MAP3K15: variants seen among roughly 807,000 people sequenced by gnomAD.
MAP3K15 encodes MAPK/ERK kinase kinase 15.
Under a neutral mutation model 99.5 loss-of-function variants are expected in MAP3K15, and 124 were observed. That is an observed-to-expected ratio of 1.25 (90% CI 1.08 to 1.45). The LOEUF is 1.45. Ranked by LOEUF, MAP3K15 falls within the 40% of genes most tolerant of loss-of-function variation. The pLI is 0.00. For missense variants in MAP3K15, 1,242 were observed against 1,079.7 expected, an observed-to-expected ratio of 1.15 and a Z score of -2.11; for synonymous variants, 494 against 439.6, an observed-to-expected ratio of 1.12 and a Z score of -1.55.
intron 9 of MAP3K15, among the ~76,000 whole-genome samples, chrX:19,423,456 T>C (rs1283295095): frequency 8.9e-6 from 1 of 111,808 alleles, no homozygotes; most frequent in Non-Finnish European, 1.9e-5. Flanking sequence ...CTTTGCTCTT[T>C]TCAGGCAAAC....
At chrX:19,378,483 G>A (rs1448150345) in intron 19 of MAP3K15, among the ~76,000 whole-genome samples, 1 of 112,124 alleles carries the variant, frequency 8.9e-6, no homozygotes. Flanking sequence ...GCAGGAGAGA[G>A]AATGAGAACC....
At chrX:19,374,430 C>T (rs1469338329) in intron 20 of MAP3K15, 47 bp downstream of exon 20, 1 of 1,144,380 alleles carries the variant, frequency 8.7e-7, no homozygotes, top group Non-Finnish European at 1.2e-6. Context: ...CAGCGCCCAG[C>T]ATTCTTGTGG....
intron 22 of MAP3K15, among the ~76,000 whole-genome samples, chrX:19,372,314 A>G (rs1414736020): frequency 9.0e-6 from 1 of 110,708 alleles, no homozygotes; most frequent in Non-Finnish European, 1.9e-5. Flanking sequence ...GCTGGGGATT[A>G]ACTCCAGGAC....
intron 11 of MAP3K15, 97 bp from the exon 12 acceptor site, chrX:19,410,070 C>A (rs191510726): frequency 2.2e-5 from 15 of 692,091 alleles, no homozygotes; most frequent in Non-Finnish European, 3.1e-5. Context: ...TGCTATTTTA[C>A]CTGCAGTGGT....
At chrX:19,461,011 G>A (rs1204115834) in intron 4 of MAP3K15, among the ~76,000 whole-genome samples, 17 of 99,390 alleles carry the variant, frequency 1.7e-4, no homozygotes, top group Non-Finnish European at 6.1e-5. Context: ...ACAGAGTCTC[G>A]CACTTTCGCC....
At position 19,360,507 on chromosome X, in the gene MAP3K15, C is replaced by CTAA; in HGVS notation, c.*239_*241dup. 6.8e-6 allele frequency: 2 copies of CTAA among 294,738 alleles called. No individual in the cohort carries two copies. Among genetic ancestry groups the CTAA allele is most frequent in the Non-Finnish European group, 1.2e-5 (2 of 167,249 alleles). The allele number at this position is 294,738 out of a possible 1,213,427, so 24.3% of individuals were successfully genotyped here. A position where few individuals can be genotyped will look rare whatever the true frequency, so the allele number is the denominator to read the frequency against. On this transcript the variant is annotated 3_prime_UTR_variant, in exon 29 of 29. Transcript: ENST00000338883. ...ATAGCTGGGACTACAAGTGAATTTC[C>CTAA]TAATATTCCGGGAGGTCAAAACCAA...
intron 6 of MAP3K15, among the ~76,000 whole-genome samples, chrX:19,456,223 C>T (rs1038004678): frequency 8.9e-6 from 1 of 112,140 alleles, no homozygotes; most frequent in Non-Finnish European, 1.9e-5. Flanking sequence ...TATCCCCAAA[C>T]CGCAAACAAC....
At position 19,515,488 on chromosome X, in the gene MAP3K15, T is replaced by G. The variant is rs1407015080; in HGVS notation, c.-227A>C. Among the ~76,000 whole-genome samples, 1 of 110,979 alleles carries G rather than the reference T, an allele frequency of 9.0e-6. No homozygotes were observed. Among genetic ancestry groups the G allele is most frequent in the Non-Finnish European group, 1.9e-5 (1 of 52,563 alleles). On this transcript the variant is annotated 5_prime_UTR_variant, in exon 1 of 29. Transcript: ENST00000338883. ...CAGGCCCCAAGGCCCCCAGCGCCCTTTGAAGGCCGGAGAGAAAGAGGCGGG... is the reference window on the plus strand; with the variant it reads ...CAGGCCCCAAGGCCCCCAGCGCCCTGTGAAGGCCGGAGAGAAAGAGGCGGG...
chrX:19,474,732 G>A (rs1027777530), intron 3 of MAP3K15, among the ~76,000 whole-genome samples: 23 of 110,632 alleles, frequency 2.1e-4, no homozygotes, highest in Non-Finnish European at 3.0e-4. Flanking sequence ...CAGTTCCTGC[G>A]GAGATCTCAG....
chrX:19,441,699 C>G (rs1451909921), intron 6 of MAP3K15, among the ~76,000 whole-genome samples: 1 of 112,024 alleles, frequency 8.9e-6, no homozygotes, highest in Non-Finnish European at 1.9e-5. Context: ...CTCAAGCCAT[C>G]CGCCTGCCTT....
At chrX:19,426,167 A>G (rs2063828061) in intron 8 of MAP3K15, 64 bp downstream of exon 8, 2 of 584,074 alleles carry the variant, frequency 3.4e-6, no homozygotes, top group Admixed American at 8.5e-5. Context: ...TTATTTCAAC[A>G]TAACTTTTAA....
chrX:19,367,464 C>G (rs2063342058), intron 25 of MAP3K15, among the ~76,000 whole-genome samples: 1 of 75,249 alleles, frequency 1.3e-5, no homozygotes, highest in Admixed American at 1.2e-4. Flanking sequence ...TACTCTTGAA[C>G]TTAAAAAAAA....
intron 3 of MAP3K15, among the ~76,000 whole-genome samples, chrX:19,470,546 TAAAA>T (rs56319020): frequency 1.0e-5 from 1 of 97,358 alleles, no homozygotes; most frequent in African/African-American, 3.7e-5. Context: ...AAACTTAAAT[TAAAA>T]AAAAAAAAAG....
chrX:19,452,719 A>C (rs2064064629), intron 6 of MAP3K15, among the ~76,000 whole-genome samples: 1 of 112,519 alleles, frequency 8.9e-6, no homozygotes, highest in Non-Finnish European at 1.9e-5. Context: ...AAGTGAAATA[A>C]AGCAGTCAGA....
At chrX:19,470,112 T>A (rs1383460470) in intron 3 of MAP3K15, among the ~76,000 whole-genome samples, 1 of 111,906 alleles carries the variant, frequency 8.9e-6, no homozygotes, top group East Asian at 2.8e-4. Flanking sequence ...GTATGTTTAT[T>A]GCGGCACTAT....
intron 6 of MAP3K15, among the ~76,000 whole-genome samples, chrX:19,453,913 G>C (rs1361547743): frequency 9.0e-6 from 1 of 111,613 alleles, no homozygotes; most frequent in East Asian, 2.8e-4. Context: ...CTACTGTAGA[G>C]ATGACGAGCT....
chrX:19,425,755 G>C, intron 8 of MAP3K15, 65 bp from the exon 9 acceptor site: 1 of 1,027,936 alleles, frequency 9.7e-7, no homozygotes, highest in Non-Finnish European at 1.3e-6. Flanking sequence ...CTGAGGATAA[G>C]CAGGTATTTT....
intron 9 of MAP3K15, among the ~76,000 whole-genome samples, chrX:19,422,432 G>A (rs1392328062): frequency 3.6e-5 from 4 of 111,487 alleles, no homozygotes; most frequent in African/African-American, 1.3e-4. Context: ...ATGAAAAAAT[G>A]ATCATCACTG....
intron 19 of MAP3K15, among the ~76,000 whole-genome samples, chrX:19,379,190 A>C (rs1293907185): frequency 2.7e-5 from 3 of 111,214 alleles, no homozygotes; most frequent in Non-Finnish European, 3.8e-5. Flanking sequence ...TAAACGGCTA[A>C]ATAAGACTCT....
Sources: allele counts gnomAD v4.1 joint callset (sites outside exome capture counted in the v4.1 genomes callset), GRCh38; gene constraint gnomAD v4.1.1; transcripts MANE v1.5; gene names NCBI Gene and HGNC (gene_info 2026-07-23, HGNC 2026-07-21).